Variants in PRLR observed in about 807,000 individuals in gnomAD.
PRLR encodes prolactin receptor.
In PRLR, 13 loss-of-function variants were observed where a neutral mutation model predicts 40.2. The observed-to-expected ratio is 0.32, with a 90% CI of 0.21 to 0.51. PRLR has a LOEUF of 0.51. PRLR is among the 20% of genes least tolerant of loss of function. The probability of loss-of-function intolerance (pLI) is 0.97; values close to 1 mark genes in which losing one functional copy is unlikely to be tolerated. For synonymous variants in PRLR, 269 were observed against 278.7 expected, an observed-to-expected ratio of 0.97 and a Z score of 0.35; for missense variants, 656 against 747.3, an observed-to-expected ratio of 0.88 and a Z score of 1.42.
At chr5:35,106,943 G>A (rs150882021) in intron 2 of PRLR, among the ~76,000 whole-genome samples, 12,427 of 152,014 alleles carry the variant, frequency 0.082, 752 homozygotes, top group East Asian at 0.22. Flanking sequence ...GCACCACATC[G>A]CACTTATTCC....
chr5:35,096,467 C>T (rs1319068438), intron 2 of PRLR, among the ~76,000 whole-genome samples: 3 of 152,180 alleles, frequency 2.0e-5, no homozygotes, highest in Non-Finnish European at 4.4e-5. Context: ...ACTAGTCCCT[C>T]ATGAGATCAT....
chr5:35,074,842 T>TA (rs1769971023), intron 5 of PRLR, among the ~76,000 whole-genome samples: 1 of 152,108 alleles, frequency 6.6e-6, no homozygotes, highest in Non-Finnish European at 1.5e-5. Flanking sequence ...TAGGCTCCTG[T>TA]AGGTACAGGC....
At chr5:35,145,835 G>A (rs1346515228) in intron 1 of PRLR, among the ~76,000 whole-genome samples, 1 of 151,706 alleles carries the variant, frequency 6.6e-6, no homozygotes, top group Non-Finnish European at 1.5e-5. Flanking sequence ...AAAATAGTCT[G>A]CATTTCTGTT....
chr5:35,226,294 A>C (rs1390908829), intron 1 of PRLR, among the ~76,000 whole-genome samples: 1 of 152,180 alleles, frequency 6.6e-6, no homozygotes, highest in Non-Finnish European at 1.5e-5. Flanking sequence ...TGGGCTTTGG[A>C]GTGAAATAGA....
chr5:35,141,248 C>A (rs59846679), intron 1 of PRLR, among the ~76,000 whole-genome samples: 25,749 of 149,190 alleles, frequency 0.17, 3,583 homozygotes, highest in African/African-American at 0.38. Context: ...AAAAAAAAAA[C>A]AAACCCCTAA....
At chr5:35,149,365 A>G (rs574559344) in intron 1 of PRLR, among the ~76,000 whole-genome samples, 28 of 152,268 alleles carry the variant, frequency 1.8e-4, no homozygotes, top group African/African-American at 6.0e-4. Context: ...GACCTAAGGA[A>G]GCTGTATAGT....
intron 1 of PRLR, among the ~76,000 whole-genome samples, chr5:35,222,540 G>A (rs1428195622): frequency 6.6e-6 from 1 of 152,130 alleles, no homozygotes; most frequent in Non-Finnish European, 1.5e-5. Flanking sequence ...AGAGCTCCCA[G>A]GCATCAGGGA....
At chr5:35,077,301 A>G (rs1359396767) in intron 5 of PRLR, among the ~76,000 whole-genome samples, 1 of 152,210 alleles carries the variant, frequency 6.6e-6, no homozygotes, top group African/African-American at 2.4e-5. Context: ...CAGGAGACCC[A>G]TTTCCCATGC....
At chr5:35,068,985 A>G (rs1769579084) in intron 7 of PRLR, 107 bp from the exon 8 acceptor site, 1 of 781,430 alleles carries the variant, frequency 1.3e-6, no homozygotes, top group Non-Finnish European at 2.1e-6. Context: ...CTCCATTCAT[A>G]TATTTTTTTG....
intron 1 of PRLR, among the ~76,000 whole-genome samples, chr5:35,191,316 C>T (rs1775601828): frequency 1.1e-5 from 1 of 87,618 alleles, no homozygotes; most frequent in South Asian, 3.0e-4. Flanking sequence ...GTGATCCGCC[C>T]GCCTCGGCCT....
At chr5:35,079,651 C>A (rs1315364407) in intron 5 of PRLR, among the ~76,000 whole-genome samples, 6 of 152,116 alleles carry the variant, frequency 3.9e-5, no homozygotes, top group African/African-American at 1.4e-4. Flanking sequence ...TTTACAGATT[C>A]AAGCTACCAA....
intron 1 of PRLR, among the ~76,000 whole-genome samples, chr5:35,226,180 A>T (rs1776544480): frequency 6.6e-6 from 1 of 152,256 alleles, no homozygotes; most frequent in South Asian, 2.1e-4. Context: ...CGTTGTCAGC[A>T]TTCAGCTACT....
Position 35,062,855 on chromosome 5 carries a change from G to A in PRLR, c.*2234C>T, listed in dbSNP as rs1237375543. The A allele has an allele frequency of 6.6e-6, 1 of 152,198 alleles. No homozygotes were observed. Among genetic ancestry groups the A allele is most frequent in the Non-Finnish European group, 1.5e-5 (1 of 68,036 alleles). The allele number at this position is 152,198 out of a possible 1,614,324, so 9.4% of individuals were successfully genotyped here. A position where few individuals can be genotyped will look rare whatever the true frequency, so the allele number is the denominator to read the frequency against. On this transcript the variant is annotated 3_prime_UTR_variant, in exon 10 of 10. Transcript: ENST00000618457. The stretch of plus-strand genomic sequence containing the variant: ...AGCATAATGTGAATCTTAAACTACT[G>A]ATATGTTTCTTTTTTTGCCTGCTTA...
chr5:35,105,377 T>C (rs115695766), intron 2 of PRLR, among the ~76,000 whole-genome samples: 4,174 of 152,286 alleles, frequency 0.027, 98 homozygotes, highest in Middle Eastern at 0.1. Flanking sequence ...GAGAATGATG[T>C]TGACGAGTTG....
chr5:35,215,610 GA>G (rs1776265649), intron 1 of PRLR, among the ~76,000 whole-genome samples: 1 of 152,096 alleles, frequency 6.6e-6, no homozygotes, highest in South Asian at 2.1e-4. Context: ...TTCACTCCTG[GA>G]AAATTAGAGC....
chr5:35,205,019 A>C (rs1204219876), intron 1 of PRLR, among the ~76,000 whole-genome samples: 1 of 152,118 alleles, frequency 6.6e-6, no homozygotes, highest in African/African-American at 2.4e-5. Context: ...ACAAATGCTA[A>C]AGGCTGCCAG....
intron 1 of PRLR, among the ~76,000 whole-genome samples, chr5:35,122,401 G>A (rs965702386): frequency 3.9e-5 from 6 of 152,002 alleles, no homozygotes; most frequent in African/African-American, 9.7e-5. Context: ...CCCTCCCCAC[G>A]CCCTGATAGG....
At chr5:35,198,214 T>C (rs1437111180) in intron 1 of PRLR, among the ~76,000 whole-genome samples, 2 of 152,222 alleles carry the variant, frequency 1.3e-5, no homozygotes, top group African/African-American at 4.8e-5. Flanking sequence ...GGCAGGAAGA[T>C]TGAGAAGGCT....
intron 1 of PRLR, among the ~76,000 whole-genome samples, chr5:35,181,793 A>G (rs1314122680): frequency 3.9e-5 from 6 of 152,180 alleles, no homozygotes; most frequent in Non-Finnish European, 8.8e-5. Flanking sequence ...GCTTCTAAGT[A>G]GAAGTCGTCT....
Sources: gnomAD v4.1 joint callset for allele counts (sites outside exome capture counted in the v4.1 genomes callset) on GRCh38, gnomAD v4.1.1 for gene constraint, MANE v1.5 for transcripts, NCBI Gene and HGNC (gene_info 2026-07-23, HGNC 2026-07-21) for gene names.